Variants in RAB7B observed in about 807,000 individuals in gnomAD.
The protein encoded by RAB7B is ras-related protein Rab-7b.
chr1:205,980,529 G>A (rs1169915474), intron 5 of RAB7B, among the ~76,000 whole-genome samples: 1 of 152,194 alleles, frequency 6.6e-6, no homozygotes, highest in Non-Finnish European at 1.5e-5. Flanking sequence ...CTATTCCAAT[G>A]CTTGCAGCAT....
At chr1:206,001,003 C>G (rs1332298664) in intron 1 of RAB7B, among the ~76,000 whole-genome samples, 1 of 152,214 alleles carries the variant, frequency 6.6e-6, no homozygotes, top group African/African-American at 2.4e-5. Context: ...GGTTCCTTTC[C>G]CCTAGATGCT....
At position 205,987,176 on chromosome 1, in the gene RAB7B, G is replaced by A. The variant is rs905435642; in HGVS notation, c.397-1511C>T. On this transcript the variant is annotated intron_variant, in intron 4 of 5. Coordinates refer to ENST00000617070, the MANE Select transcript of RAB7B (RefSeq NM_001164522.3). ...CTCAGAAAGCTGGCCTGGGAAGAAAGCTACCCAGACAGTATTTTTCACTTT... is the reference window on the plus strand; with the variant it reads ...CTCAGAAAGCTGGCCTGGGAAGAAAACTACCCAGACAGTATTTTTCACTTT... Among the ~76,000 whole-genome samples, 149 of 152,234 alleles carry A rather than the reference G, an allele frequency of 9.8e-4. 1 individual carries two copies. Among genetic ancestry groups the A allele is most frequent in the African/African-American group, 3.4e-3 (141 of 41,542 alleles).
intron 4 of RAB7B, among the ~76,000 whole-genome samples, chr1:205,990,246 C>T (rs1660696974): frequency 6.6e-6 from 1 of 152,180 alleles, no homozygotes; most frequent in Non-Finnish European, 1.5e-5. Context: ...GGAGGGATTT[C>T]CTTGGAGAGA....
chr1:205,991,878 G>A (rs896511800), intron 4 of RAB7B, among the ~76,000 whole-genome samples: 62,303 of 152,090 alleles, frequency 0.41, 16,234 homozygotes, highest in African/African-American at 0.74. Flanking sequence ...AATGGTAAAC[G>A]CCTACACAAG....
At chr1:205,983,394 C>T (rs1660529651) in intron 5 of RAB7B, among the ~76,000 whole-genome samples, 1 of 152,188 alleles carries the variant, frequency 6.6e-6, no homozygotes, top group African/African-American at 2.4e-5. Flanking sequence ...CACTCATCCT[C>T]ACTACCAGCT....
At position 205,982,117 on chromosome 1, in the gene RAB7B, G is replaced by A. The variant is rs1044101345; in HGVS notation, c.523-3189C>T. On this transcript the variant is annotated intron_variant, in intron 5 of 5. Coordinates refer to ENST00000617070, the MANE Select transcript of RAB7B (RefSeq NM_001164522.3). ...CAAGGCTCACTTGCAGAACTCAGAC[G>A]TTTCCACCTGGTGTCTCGAGGATCC... Among the ~76,000 whole-genome samples the A allele has an allele frequency of 6.0e-3, 908 of 152,326 alleles. 13 individuals carry two copies. The highest frequency in any genetic ancestry group is 0.021 in the African/African-American group (866 of 41,572).
At chr1:205,985,740 C>T (rs1660582722) in intron 4 of RAB7B, 75 bp from the exon 5 acceptor site, 1 of 378,146 alleles carries the variant, frequency 2.6e-6, no homozygotes, top group African/African-American at 2.3e-5. Flanking sequence ...ATCACATCCC[C>T]ACCATCCCCA....
In RAB7B at chr1:205,978,683, T is replaced by A; in HGVS notation, c.*168A>T. The A allele has an allele frequency of 2.6e-6, 1 of 392,090 alleles. No homozygotes were observed. The highest frequency in any genetic ancestry group is 4.5e-6 in the Non-Finnish European group (1 of 222,332). The allele number at this position is 392,090 out of a possible 1,614,324, so 24.3% of individuals were successfully genotyped here. A position where few individuals can be genotyped will look rare whatever the true frequency, so the allele number is the denominator to read the frequency against. ...CCTGAGCCAGGGGCTGCCCTCTGAC[T>A]CTGGGCCCAGCACCAGGGTCAAGGG... On this transcript the variant is annotated 3_prime_UTR_variant, in exon 6 of 6. Transcript: ENST00000617070.
chr1:205,992,032 C>A (rs918137099), intron 4 of RAB7B, among the ~76,000 whole-genome samples: 1 of 152,236 alleles, frequency 6.6e-6, no homozygotes, highest in Non-Finnish European at 1.5e-5. Context: ...TCCAACTTGA[C>A]CCCAGGCAGA....
chr1:205,998,786 T>C lies in RAB7B; in HGVS notation c.-17+4467A>G, dbSNP rs1034096511. On this transcript the variant is annotated intron_variant, in intron 1 of 5. Transcript: ENST00000617070. ...AGCATTGTCAGGGGTAAACAATACG[T>C]TATTATAATACATTGAACACATAGA... Among the ~76,000 whole-genome samples the C allele has an allele frequency of 2.2e-3, 336 of 152,332 alleles. 1 individual carries two copies. The highest frequency in any genetic ancestry group is 7.7e-3 in the African/African-American group (320 of 41,570).
At chr1:205,979,660 G>A (rs1660450787) in intron 5 of RAB7B, among the ~76,000 whole-genome samples, 2 of 152,246 alleles carry the variant, frequency 1.3e-5, no homozygotes, top group Admixed American at 1.3e-4. Flanking sequence ...TCTTCACGCT[G>A]CTATGGCCTC....
In RAB7B at chr1:205,985,235, G is replaced by A. The variant is rs893873176; in HGVS notation, c.522+305C>T. Among the ~76,000 whole-genome samples, 35 of 152,212 alleles carry A rather than the reference G, an allele frequency of 2.3e-4. No homozygotes were observed. The South Asian group carries it at 6.0e-3, about 26-fold the overall frequency. On this transcript the variant is annotated intron_variant, in intron 5 of 5. Coordinates refer to ENST00000617070, the MANE Select transcript of RAB7B (RefSeq NM_001164522.3). ...ACCATCACTTCTCAAACCCTTCCTC[G>A]TTAGGATCTCCAGGGCTCAGGTACA... is the stretch of plus-strand genomic sequence containing the variant.
At chr1:205,980,241 T>C (rs966006220) in intron 5 of RAB7B, among the ~76,000 whole-genome samples, 15 of 152,316 alleles carry the variant, frequency 9.8e-5, no homozygotes, top group African/African-American at 2.9e-4. Flanking sequence ...GTGAGCACCA[T>C]CTGGGGTAGG....
chr1:205,989,054 C>T (rs1660670457), intron 4 of RAB7B, among the ~76,000 whole-genome samples: 2 of 152,194 alleles, frequency 1.3e-5, no homozygotes, highest in African/African-American at 4.8e-5. Context: ...CCTCCCCTCC[C>T]CTATCCTATT....
At chr1:205,992,987 G>A (rs1660750692) in intron 3 of RAB7B, among the ~76,000 whole-genome samples, 1 of 152,136 alleles carries the variant, frequency 6.6e-6, no homozygotes, top group Non-Finnish European at 1.5e-5. Context: ...TGGAAACTTG[G>A]ACCTCGGGAA....
At chr1:205,985,496 A>G (rs1439879106) in intron 5 of RAB7B, 44 bp downstream of exon 5, 11 of 398,276 alleles carry the variant, frequency 2.8e-5, no homozygotes, top group South Asian at 2.5e-4. Flanking sequence ...ACCCTCCCCA[A>G]TCCAGGGGCG....
intron 1 of RAB7B, among the ~76,000 whole-genome samples, chr1:205,999,719 A>G (rs1660861065): frequency 6.6e-6 from 1 of 152,216 alleles, no homozygotes; most frequent in African/African-American, 2.4e-5. Context: ...CTCTACATCA[A>G]TTCTGATCCA....
intron 5 of RAB7B, among the ~76,000 whole-genome samples, chr1:205,980,767 G>A (rs1303820521): frequency 2.0e-5 from 3 of 152,100 alleles, no homozygotes; most frequent in South Asian, 2.1e-4. Flanking sequence ...CTGGAGCTGG[G>A]CCTGAAAAGC....
In RAB7B at chr1:205,977,460, A is replaced by C. The variant is rs935097688; in HGVS notation, c.*1391T>G. The stretch of plus-strand genomic sequence containing the variant: ...CCTTACAAATCCCAAAGGGCTAAAC[A>C]TGCCTCCAAGCCCATGAACAAGCTT... On this transcript the variant is annotated 3_prime_UTR_variant, in exon 6 of 6. Transcript: ENST00000617070. 2 of 152,178 alleles carry C rather than the reference A, an allele frequency of 1.3e-5. No homozygotes were observed. The highest frequency in any genetic ancestry group is 1.9e-4 in the East Asian group (1 of 5,202). The allele number at this position is 152,178 out of a possible 1,614,324, so 9.4% of individuals were successfully genotyped here.
Sources: gnomAD v4.1 joint callset for allele counts (sites outside exome capture counted in the v4.1 genomes callset) on GRCh38, gnomAD v4.1.1 for gene constraint, MANE v1.5 for transcripts, NCBI Gene and HGNC (gene_info 2026-07-23, HGNC 2026-07-21) for gene names.